Variants in MITF observed in about 807,000 individuals in gnomAD.
The protein encoded by MITF is microphthalmia-associated transcription factor.
A neutral mutation model predicts 60.5 loss-of-function variants in MITF; 17 were observed. The observed-to-expected ratio is 0.28, with a 90% CI of 0.19 to 0.42. MITF has a LOEUF of 0.42. Among genes scored for constraint, MITF ranks in the 10% least tolerant of loss-of-function variants. The probability of loss-of-function intolerance (pLI) is 1.00; values close to 1 mark genes in which losing one functional copy is unlikely to be tolerated. For synonymous variants in MITF, 260 were observed against 248.5 expected (o/e 1.05, Z -0.43); for missense variants, 622 against 683.5 (o/e 0.91, Z 1.00).
chr3:69,755,809 G>A (rs1704124575), intron 1 of MITF, among the ~76,000 whole-genome samples: 1 of 152,150 alleles, frequency 6.6e-6, no homozygotes, highest in Non-Finnish European at 1.5e-5. Context: ...AAGGTGATGA[G>A]ATGCTACCTG....
chr3:69,847,725 A>G (rs9310172), intron 1 of MITF, among the ~76,000 whole-genome samples: 74,836 of 152,142 alleles, frequency 0.49, 20,139 homozygotes, highest in Non-Finnish European at 0.63. Context: ...TGGAGAGAAA[A>G]GTCTACTCCG....
intron 1 of MITF, among the ~76,000 whole-genome samples, chr3:69,793,084 T>C (rs2062768728): frequency 7.2e-6 from 1 of 138,920 alleles, no homozygotes; most frequent in African/African-American, 2.7e-5. Flanking sequence ...GCAATCACCG[T>C]TCCTGGGCAA....
Position 69,797,753 on chromosome 3 carries a change from T to C in MITF, c.104+58052T>C, listed in dbSNP as rs112841374. ...AAGTCATTTCTTCCACCCATGTTGG[T>C]GGAAATACCCAACATTTTTCATCTA... is the stretch of plus-strand genomic sequence containing the variant. On this transcript the variant is annotated intron_variant, in intron 1 of 9. Transcript: ENST00000352241. Among the ~76,000 whole-genome samples the C allele has an allele frequency of 4.3e-3, 662 of 152,320 alleles. 6 individuals are homozygous for C. The highest frequency in any genetic ancestry group is 0.015 in the African/African-American group (615 of 41,558).
At chr3:69,792,778 A>C (rs2062761597) in intron 1 of MITF, among the ~76,000 whole-genome samples, 1 of 151,972 alleles carries the variant, frequency 6.6e-6, no homozygotes, top group East Asian at 1.9e-4. Flanking sequence ...TAGTTTTATC[A>C]CAATTTATTC....
chr3:69,771,691 G>GT (rs899306756), intron 1 of MITF, among the ~76,000 whole-genome samples: 2 of 151,780 alleles, frequency 1.3e-5, no homozygotes, highest in African/African-American at 2.4e-5. Context: ...TTCCTTTTTT[G>GT]TTTTTTTGAA....
intron 1 of MITF, among the ~76,000 whole-genome samples, chr3:69,747,958 G>A (rs1703792934): frequency 6.6e-6 from 1 of 152,110 alleles, no homozygotes; most frequent in Non-Finnish European, 1.5e-5. Flanking sequence ...AAACATACAC[G>A]CCTACCACGA....
intron 2 of MITF, among the ~76,000 whole-genome samples, chr3:69,928,777 C>A (rs2065650310): frequency 6.6e-6 from 1 of 152,126 alleles, no homozygotes; most frequent in South Asian, 2.1e-4. Flanking sequence ...AACAGACTTG[C>A]CTGTGGTTTG....
intron 1 of MITF, among the ~76,000 whole-genome samples, chr3:69,783,552 A>G (rs1043824060): frequency 5.3e-5 from 8 of 151,386 alleles, no homozygotes; most frequent in African/African-American, 1.7e-4. Context: ...TTAAATGCCA[A>G]GTTGGGTTAT....
intron 1 of MITF, among the ~76,000 whole-genome samples, chr3:69,869,563 C>G (rs534745545): frequency 1.3e-5 from 2 of 152,312 alleles, no homozygotes; most frequent in African/African-American, 2.4e-5. Context: ...GGACACTTTC[C>G]TCCATGTCTG....
intron 1 of MITF, among the ~76,000 whole-genome samples, chr3:69,831,275 C>T (rs1272848922): frequency 6.6e-6 from 1 of 152,176 alleles, no homozygotes; most frequent in Non-Finnish European, 1.5e-5. Flanking sequence ...ATGATATGGT[C>T]TGGACAATCG....
Position 69,819,615 on chromosome 3 carries a change from CAACAA to C in MITF, c.105-59497_105-59493del, listed in dbSNP as rs56902121. On this transcript the variant is annotated intron_variant, in intron 1 of 9. Transcript: ENST00000352241. ...ACTTTCTGGGTTGGAAGAGTGAACT[CAACAA>C]AACAAAACAAAACAAAACAAACAAA... 3.9e-3 allele frequency among the ~76,000 whole-genome samples: 586 copies of C among 150,620 alleles called. 7 individuals are homozygous for C. The highest frequency in any genetic ancestry group is 0.02 in the South Asian group (96 of 4,768).
chr3:69,893,403 CAT>C (rs1354095353), intron 2 of MITF, among the ~76,000 whole-genome samples: 1 of 152,062 alleles, frequency 6.6e-6, no homozygotes, highest in Non-Finnish European at 1.5e-5. Flanking sequence ...GGGCGATATC[CAT>C]ATGTTTTCTC....
chr3:69,851,251 T>G (rs1244525679), intron 1 of MITF, among the ~76,000 whole-genome samples: 1 of 152,238 alleles, frequency 6.6e-6, no homozygotes, highest in Non-Finnish European at 1.5e-5. Context: ...TACTGACTTA[T>G]ACTTTTCCTA....
intron 2 of MITF, among the ~76,000 whole-genome samples, chr3:69,927,348 A>T (rs964061113): frequency 3.3e-5 from 5 of 152,154 alleles, no homozygotes; most frequent in South Asian, 2.1e-4. Context: ...GGAGGGGAAC[A>T]TCACACACCG....
At chr3:69,876,808 T>C (rs1056286680) in intron 1 of MITF, among the ~76,000 whole-genome samples, 6 of 152,194 alleles carry the variant, frequency 3.9e-5, no homozygotes, top group African/African-American at 1.2e-4. Context: ...TTGGATTCTG[T>C]CCCCTTTCTT....
rs555035783 is a variant in MITF at position 69,788,465 on chromosome 3, T to C, written c.104+48764T>C. The stretch of plus-strand genomic sequence containing the variant: ...TACTTTGAGTATGCTATATACCTAA[T>C]GCTAAGTTTAAAATTTCTGGAAAGT... On this transcript the variant is annotated intron_variant, in intron 1 of 9. Coordinates refer to ENST00000352241, the MANE Select transcript of MITF (RefSeq NM_001354604.2). Among the ~76,000 whole-genome samples the C allele has an allele frequency of 3.3e-5, 5 of 152,216 alleles. No homozygotes were observed. In the South Asian group the frequency reaches 1.0e-3, roughly 32 times the overall value.
intron 1 of MITF, among the ~76,000 whole-genome samples, chr3:69,876,194 T>G (rs2064349821): frequency 6.6e-6 from 1 of 152,228 alleles, no homozygotes; most frequent in Non-Finnish European, 1.5e-5. Context: ...AATGCTTTAC[T>G]GTTAATTGAA....
At chr3:69,885,398 A>T (rs571001490) in intron 2 of MITF, among the ~76,000 whole-genome samples, 2 of 152,196 alleles carry the variant, frequency 1.3e-5, no homozygotes, top group South Asian at 4.2e-4. Flanking sequence ...GCAGTATCAT[A>T]AGGAAAATAT....
intron 1 of MITF, among the ~76,000 whole-genome samples, chr3:69,787,729 C>T (rs568214499): frequency 2.0e-5 from 3 of 152,184 alleles, no homozygotes; most frequent in Admixed American, 6.5e-5. Context: ...TTATTTCTGA[C>T]ATTGAGCCTC....
Sources: allele counts gnomAD v4.1 joint callset (sites outside exome capture counted in the v4.1 genomes callset), GRCh38; gene constraint gnomAD v4.1.1; transcripts MANE v1.5; gene names NCBI Gene and HGNC (gene_info 2026-07-23, HGNC 2026-07-21).